Variants in SUSD6 observed in about 807,000 individuals in gnomAD.
SUSD6 encodes the protein sushi domain-containing protein 6.
SUSD6 carries 16 observed loss-of-function variants against 28.4 expected under a neutral mutation model. The observed-to-expected ratio is 0.56, with a 90% CI of 0.38 to 0.86. The LOEUF (loss-of-function observed/expected upper bound fraction) is 0.86. Among genes scored for constraint, SUSD6 ranks in the 40% least tolerant of loss-of-function variants. The pLI, the probability that SUSD6 is intolerant of heterozygous loss-of-function variation, is 0.00. For missense variants in SUSD6, 341 were observed against 384.2 expected (o/e 0.89, Z 0.94); for synonymous variants, 147 against 159.6 (o/e 0.92, Z 0.59).
intron 1 of SUSD6, among the ~76,000 whole-genome samples, chr14:69,637,506 C>T (rs1181177533): frequency 6.6e-6 from 1 of 152,174 alleles, no homozygotes; most frequent in Non-Finnish European, 1.5e-5. Flanking sequence ...TTCTCTGACC[C>T]TCTCCACCCT....
At chr14:69,627,526 G>A (rs1052637426) in intron 1 of SUSD6, among the ~76,000 whole-genome samples, 9 of 152,162 alleles carry the variant, frequency 5.9e-5, no homozygotes, top group Non-Finnish European at 1.5e-5. Flanking sequence ...TCCCCAGGCT[G>A]GAGTGCAGTG....
chr14:69,711,842 T>C lies in SUSD6; in HGVS notation c.*863T>C, dbSNP rs1481264449. The C allele has an allele frequency of 6.6e-6, 1 of 152,274 alleles. No individual in the cohort carries two copies. Among genetic ancestry groups the C allele is most frequent in the Non-Finnish European group, 1.5e-5 (1 of 68,048 alleles). 9.4% of individuals were successfully genotyped at this position (152,274 alleles called of 1,614,324 possible). Reference sequence around the variant, plus strand: ...CCTTCCTGGCCTTGTCTTTTTTTTGTTTCCCTGGAGTATAATGGGAAGTTG... The same window carrying C: ...CCTTCCTGGCCTTGTCTTTTTTTTGCTTCCCTGGAGTATAATGGGAAGTTG... On this transcript the variant is annotated 3_prime_UTR_variant, in exon 6 of 6. Transcript: ENST00000342745.
intron 2 of SUSD6, among the ~76,000 whole-genome samples, chr14:69,669,580 C>T (rs1885799757): frequency 3.3e-5 from 5 of 152,232 alleles, no homozygotes; most frequent in Admixed American, 3.3e-4. Context: ...TCCTCTACCT[C>T]TACGTCTGTT....
intron 2 of SUSD6, among the ~76,000 whole-genome samples, chr14:69,668,634 T>C (rs1595048826): frequency 3.0e-5 from 1 of 33,836 alleles, no homozygotes; most frequent in South Asian, 1.4e-3. Context: ...AGAATTCGTC[T>C]CAAAAAAAAA....
chr14:69,652,800 G>A (rs1277743375), intron 1 of SUSD6, among the ~76,000 whole-genome samples: 3 of 152,150 alleles, frequency 2.0e-5, no homozygotes, highest in Admixed American at 6.5e-5. Flanking sequence ...GGTTAACTTG[G>A]AAGCATCTGT....
At chr14:69,707,609 G>A (rs943326702) in intron 4 of SUSD6, among the ~76,000 whole-genome samples, 3 of 152,002 alleles carry the variant, frequency 2.0e-5, no homozygotes, top group Non-Finnish European at 4.4e-5. Flanking sequence ...TTGGCCAGGC[G>A]TGGTGGTGCA....
At chr14:69,697,742 G>A (rs1886246944) in intron 2 of SUSD6, among the ~76,000 whole-genome samples, 1 of 152,076 alleles carries the variant, frequency 6.6e-6, no homozygotes, top group African/African-American at 2.4e-5. Context: ...TTTGCCTCAG[G>A]CTCTTACCCT....
At chr14:69,623,019 G>GTA (rs1265406804) in intron 1 of SUSD6, among the ~76,000 whole-genome samples, 2 of 152,232 alleles carry the variant, frequency 1.3e-5, no homozygotes, top group Non-Finnish European at 2.9e-5. Flanking sequence ...ATGTAGTAGT[G>GTA]ATGTTCAGTC....
chr14:69,616,723 C>T (rs61980729), intron 1 of SUSD6, among the ~76,000 whole-genome samples: 13,179 of 152,152 alleles, frequency 0.087, 771 homozygotes, highest in East Asian at 0.13. Flanking sequence ...GATTCTACCA[C>T]CCTAACATAA....
chr14:69,670,838 C>T (rs1297401873), intron 2 of SUSD6, among the ~76,000 whole-genome samples: 1 of 152,252 alleles, frequency 6.6e-6, no homozygotes. Flanking sequence ...CTGCTCATCT[C>T]AGCACTTCCT....
intron 1 of SUSD6, among the ~76,000 whole-genome samples, chr14:69,657,827 T>G (rs1488691186): frequency 6.6e-6 from 1 of 152,206 alleles, no homozygotes; most frequent in Non-Finnish European, 1.5e-5. Context: ...GTTCCTATTT[T>G]TCTGAAGTCT....
At chr14:69,649,208 A>G (rs552223606) in intron 1 of SUSD6, among the ~76,000 whole-genome samples, 6 of 152,350 alleles carry the variant, frequency 3.9e-5, no homozygotes, top group East Asian at 3.9e-4. Flanking sequence ...CTGTGCCCCA[A>G]TTCATCTCTA....
At position 69,649,682 on chromosome 14, in the gene SUSD6, G is replaced by A. The variant is rs1272519906; in HGVS notation, c.-80-8831G>A. Among the ~76,000 whole-genome samples the A allele has an allele frequency of 2.6e-5, 4 of 152,170 alleles. No individual in the cohort carries two copies. The South Asian group carries it at 8.3e-4, about 31-fold the overall frequency. On this transcript the variant is annotated intron_variant, in intron 1 of 5. Transcript: ENST00000342745. ...ACCTGCGGAAATGCAGCATACAAAA[G>A]TTAAATAACTGTGAGTGGCCTTCGG...
intron 5 of SUSD6, among the ~76,000 whole-genome samples, 183 bp downstream of exon 5, chr14:69,709,287 G>T (rs1272181209): frequency 6.6e-6 from 1 of 152,206 alleles, no homozygotes; most frequent in East Asian, 1.9e-4. Flanking sequence ...TGGGCTCTCT[G>T]TAGTGAGACT....
intron 2 of SUSD6, among the ~76,000 whole-genome samples, chr14:69,682,681 A>G (rs566704763): frequency 2.6e-5 from 4 of 152,280 alleles, no homozygotes; most frequent in African/African-American, 7.2e-5. Context: ...TTATAATCAC[A>G]TTTGTTGTTT....
At chr14:69,640,847 G>A (rs1487502571) in intron 1 of SUSD6, among the ~76,000 whole-genome samples, 2 of 152,188 alleles carry the variant, frequency 1.3e-5, no homozygotes, top group African/African-American at 4.8e-5. Flanking sequence ...GATTATTGCT[G>A]TAAGACTGGA....
Position 69,714,646 on chromosome 14 carries a change from G to C in SUSD6, c.*3667G>C, listed in dbSNP as rs1486075614. 6.6e-6 allele frequency: 1 copy of C among 152,276 alleles called. No individual in the cohort carries two copies. Among genetic ancestry groups the C allele is most frequent in the Non-Finnish European group, 1.5e-5 (1 of 68,086 alleles). The allele number at this position is 152,276 out of a possible 1,614,324, so 9.4% of individuals were successfully genotyped here. ...TTTGGTCTGAATGGTGTAGTTGCTG[G>C]TTCCCTAGAGAGGAAAAGGTGGCAG... On this transcript the variant is annotated 3_prime_UTR_variant, in exon 6 of 6. Transcript: ENST00000342745.
Position 69,697,598 on chromosome 14 carries a change from T to G in SUSD6, c.122-5797T>G, listed in dbSNP as rs1594721660. On this transcript the variant is annotated intron_variant, in intron 2 of 5. Coordinates refer to ENST00000342745, the MANE Select transcript of SUSD6 (RefSeq NM_014734.4). ...GATTAATTTCACCTGTTTCCATTTATCTTCCTAATTGGCTACTAGAACATT... is the reference window on the plus strand; with the variant it reads ...GATTAATTTCACCTGTTTCCATTTAGCTTCCTAATTGGCTACTAGAACATT... 3.9e-5 allele frequency among the ~76,000 whole-genome samples: 6 copies of G among 152,250 alleles called. 1 individual carries two copies. In the South Asian group the frequency reaches 1.0e-3, roughly 26 times the overall value.
chr14:69,611,630 C>G lies in SUSD6; in HGVS notation c.-279C>G, dbSNP rs1485610234. The stretch of plus-strand genomic sequence containing the variant: ...GGCGCTGCAGCCGTCGCTACCGCCG[C>G]GTTCTATTCTCCGAAGCCGGCGACC... On this transcript the variant is annotated 5_prime_UTR_variant, in exon 1 of 6. Coordinates refer to ENST00000342745, the MANE Select transcript of SUSD6 (RefSeq NM_014734.4). The G allele has an allele frequency of 1.3e-5, 2 of 151,452 alleles. No homozygotes were observed. Among genetic ancestry groups the G allele is most frequent in the Admixed American group, 6.6e-5 (1 of 15,222 alleles). The allele number at this position is 151,452 out of a possible 1,614,324, so 9.4% of individuals were successfully genotyped here.
Sources: gnomAD v4.1 joint callset for allele counts (sites outside exome capture counted in the v4.1 genomes callset) on GRCh38, gnomAD v4.1.1 for gene constraint, MANE v1.5 for transcripts, NCBI Gene and HGNC (gene_info 2026-07-23, HGNC 2026-07-21) for gene names.